Variants in UBA1 observed in about 807,000 individuals in gnomAD.
UBA1 encodes the protein ubiquitin like modifier activating enzyme 1.
In UBA1, 4 loss-of-function variants were observed where a neutral mutation model predicts 84.7. That is an observed-to-expected ratio of 0.05 (90% CI 0.02 to 0.11). The LOEUF (loss-of-function observed/expected upper bound fraction) is 0.11. Among genes scored for constraint, UBA1 ranks in the 10% least tolerant of loss-of-function variants. The probability of loss-of-function intolerance (pLI) is 1.00; values close to 1 mark genes in which losing one functional copy is unlikely to be tolerated. For missense variants in UBA1, 513 were observed against 902.8 expected (o/e 0.57, Z 5.53); for synonymous variants, 364 against 362.6 (o/e 1.00, Z -0.04).
chrX:47,208,299 CTG>C (rs1188221433), intron 16 of UBA1, among the ~76,000 whole-genome samples: 37 of 105,129 alleles, frequency 3.5e-4, no homozygotes, highest in African/African-American at 1.1e-3. Context: ...GTGTAAGTGT[CTG>C]TGTGTACGTG....
At chrX:47,197,920 A>T in intron 1 of UBA1, 1 of 793,179 alleles carries the variant, frequency 1.3e-6, no homozygotes, top group South Asian at 4.7e-5. Context: ...GGACAGAGTG[A>T]GACGAGGTTT....
rs4239963 is a variant in UBA1, at chrX:47,201,445, C to G, written c.679-33C>G. ...TCCTGTCTGCTCTTGGTACCCTGGG[C>G]CTGTTTCTGAGACTCACTCTTCCTT... On this transcript the variant is annotated intron_variant, in intron 7 of 25. Transcript: ENST00000335972. The G allele has an allele frequency of 0.33, 402,650 of 1,208,366 alleles. 46,408 individuals are homozygous for G. Among genetic ancestry groups the G allele is most frequent in the South Asian group, 0.58 (32,786 of 56,737 alleles).
chrX:47,204,655 G>A (rs782291393), intron 14 of UBA1, among the ~76,000 whole-genome samples: 1 of 111,315 alleles, frequency 9.0e-6, no homozygotes, highest in South Asian at 3.8e-4. Flanking sequence ...GAACCTTCCT[G>A]AATTCCAAGT....
intron 21 of UBA1, 125 bp from the exon 22 acceptor site, chrX:47,212,646 A>T (rs922502599): frequency 4.4e-5 from 37 of 848,144 alleles, no homozygotes; most frequent in Non-Finnish European, 6.0e-5. Flanking sequence ...GCTCTGAATG[A>T]GTAGGTGTTC....
rs1355501031 is a variant in UBA1 at position 47,208,283 on chromosome X, G to GTA, written c.1939-1339_1939-1338insAT. Among the ~76,000 whole-genome samples, 15 of 109,466 alleles carry GTA rather than the reference G, an allele frequency of 1.4e-4. No homozygotes were observed. The East Asian group carries it at 4.0e-3, about 29-fold the overall frequency. ...GGGAAGTGTCTGTACGTGTGTGTGT[G>GTA]TGTGTGTGTAAGTGTCTGTGTGTAC... On this transcript the variant is annotated intron_variant, in intron 16 of 25. Transcript: ENST00000335972.
At chrX:47,203,499 C>CA in intron 13 of UBA1, 42 bp from the exon 14 acceptor site, 2 of 1,208,596 alleles carry the variant, frequency 1.7e-6, no homozygotes, top group African/African-American at 3.5e-5. Context: ...TAACCTGCAT[C>CA]ACCCTGACCA....
intron 10 of UBA1, 27 bp downstream of exon 10, chrX:47,202,531 G>A (rs781965418): frequency 1.2e-5 from 15 of 1,204,289 alleles, no homozygotes; most frequent in East Asian, 3.0e-5. Flanking sequence ...GCCAGCCAGC[G>A]CAGACATGCC....
intron 23 of UBA1, among the ~76,000 whole-genome samples, chrX:47,213,397 C>G (rs1937014437): frequency 8.9e-6 from 1 of 112,212 alleles, no homozygotes; most frequent in African/African-American, 3.2e-5. Flanking sequence ...AGTAACTACA[C>G]AATAATGGCA....
chrX:47,209,420 C>T, intron 16 of UBA1: 1 of 521,884 alleles, frequency 1.9e-6, no homozygotes, highest in Non-Finnish European at 3.5e-6. Context: ...TCCCAAAGTG[C>T]TGGGATTACA....
chrX:47,197,258 C>T (rs1415360167), intron 1 of UBA1: 3 of 753,865 alleles, frequency 4.0e-6, no homozygotes, highest in East Asian at 1.5e-4. Context: ...TGCCTCTGGG[C>T]GAGTGAATGG....
At chrX:47,190,860 T>C (rs968280230), upstream of UBA1, 1 of 112,897 alleles carries the variant, frequency 8.9e-6, no homozygotes, top group African/African-American at 3.2e-5. Context: ...CTCTGGCTTC[T>C]CTTGTACGAC....
chrX:47,204,723 T>G (rs782270379), intron 14 of UBA1, among the ~76,000 whole-genome samples: 7 of 111,510 alleles, frequency 6.3e-5, no homozygotes, highest in Admixed American at 9.5e-5. Flanking sequence ...GGGTTGTAGT[T>G]TCAGTCTCCT....
In UBA1 at chrX:47,205,956, G is replaced by A; in HGVS notation, c.1584G>A (p.Lys528=). The change falls in exon 15 of 26, where the codon AAG becomes AAA. Residue 528 remains lysine (K), a synonymous_variant. Transcript: ENST00000335972. ...LFRPWDVTKL[K]SDTAAAAVRQ... ...CTTTCTTAACCCTTTAGAAGTTAAAGTCTGACACGGCTGCTGCAGCTGTGC... is the reference window on the plus strand; with the variant it reads ...CTTTCTTAACCCTTTAGAAGTTAAAATCTGACACGGCTGCTGCAGCTGTGC... 8.3e-7 allele frequency: 1 copy of A among 1,203,401 alleles called. No homozygotes were observed. Among genetic ancestry groups the A allele is most frequent in the Non-Finnish European group, 1.1e-6 (1 of 890,973 alleles).
Position 47,211,243 on chromosome X carries a change from G to C in UBA1, c.2464+18G>C. 8.3e-7 allele frequency: 1 copy of C among 1,204,416 alleles called. No homozygotes were observed. Among genetic ancestry groups the C allele is most frequent in the Non-Finnish European group, 1.1e-6 (1 of 894,349 alleles). On this transcript the variant is annotated intron_variant, in intron 20 of 25. Transcript: ENST00000335972. ...CTCTGTTGGTGAGGGTGTTTGGCCAGTTGGCCAGGAGTCACCCCACATGTC... is the reference window on the plus strand; with the variant it reads ...CTCTGTTGGTGAGGGTGTTTGGCCACTTGGCCAGGAGTCACCCCACATGTC...
chrX:47,207,135 C>A (rs1339951627), intron 16 of UBA1, among the ~76,000 whole-genome samples: 1 of 112,033 alleles, frequency 8.9e-6, no homozygotes, highest in Non-Finnish European at 1.9e-5. Flanking sequence ...ATCATTCTTA[C>A]CATCTCTTCT....
chrX:47,204,139 G>GTTTTTT (rs55829376), intron 14 of UBA1, among the ~76,000 whole-genome samples: 5 of 16,881 alleles, frequency 3.0e-4, no homozygotes, highest in Non-Finnish European at 3.9e-4. Flanking sequence ...CTCAGCTTCT[G>GTTTTTT]TTTTTTTTTT....
Position 47,202,340 on chromosome X carries a change from C to T in UBA1, c.910-18C>T, listed in dbSNP as rs782605006. On this transcript the variant is annotated intron_variant, in intron 9 of 25. Coordinates refer to ENST00000335972, the MANE Select transcript of UBA1 (RefSeq NM_003334.4). ...CATTCCTCTCTTCTGGTTCTGATGA[C>T]CTCTCCCCCCGCCACAGAAATCCTT... 1.7e-6 allele frequency: 2 copies of T among 1,208,741 alleles called. No individual in the cohort carries two copies. The highest frequency in any genetic ancestry group is 2.2e-6 in the Non-Finnish European group (2 of 893,894).
rs1386383458 is a variant in UBA1, at chrX:47,200,828, C to T, written c.481-66C>T. On this transcript the variant is annotated intron_variant, in intron 5 of 25. Transcript: ENST00000335972. ...TTGCCTTGAGGACTGCCTGAGTCCT[C>T]CACACCAGCCCTCCATTTTTTCCCC... 6 of 943,568 alleles carry T rather than the reference C, an allele frequency of 6.4e-6. No homozygotes were observed. In the East Asian group the frequency reaches 1.7e-4, roughly 27 times the overall value. 77.8% of individuals were successfully genotyped at this position (943,568 alleles called of 1,213,427 possible).
At chrX:47,193,721 G>A (rs1259808911), upstream of UBA1, 1 of 112,675 alleles carries the variant, frequency 8.9e-6, no homozygotes, top group Non-Finnish European at 1.9e-5. Flanking sequence ...AATCGCAACC[G>A]AGTAGGGAAC....
Sources: gnomAD v4.1 joint callset for allele counts (sites outside exome capture counted in the v4.1 genomes callset) on GRCh38, gnomAD v4.1.1 for gene constraint, MANE v1.5 for transcripts, NCBI Gene and HGNC (gene_info 2026-07-23, HGNC 2026-07-21) for gene names.